Variants in OLFML2B observed in about 807,000 individuals in gnomAD.
OLFML2B encodes the protein olfactomedin like 2B, also known as olfactomedin-like protein 2B.
Under a neutral mutation model 74.9 loss-of-function variants are expected in OLFML2B, and 57 were observed. The ratio of observed to expected loss-of-function variants is 0.76; its 90% CI spans 0.61 to 0.95. The LOEUF (loss-of-function observed/expected upper bound fraction) is 0.95, where lower values mean the gene tolerates loss of function less well. Ranked by LOEUF, OLFML2B falls within the 40% of genes least tolerant of loss-of-function variation. OLFML2B has a pLI of 0.00. For synonymous variants in OLFML2B, 388 were observed against 405.8 expected (o/e 0.96, Z 0.53); for missense variants, 986 against 970.6 (o/e 1.02, Z -0.21).
At position 162,012,237 on chromosome 1, in the gene OLFML2B, G is replaced by T. The variant is rs563194164; in HGVS notation, c.546+5163C>A. Among the ~76,000 whole-genome samples the T allele has an allele frequency of 4.6e-5, 7 of 152,266 alleles. No individual in the cohort carries two copies. The South Asian group carries it at 1.5e-3, about 32-fold the overall frequency. ...AGTGAGCCCTGGGGGTGTCTCGACA[G>T]GGGTGGAGGGTGGAAGGAAAGGTAG... On this transcript the variant is annotated intron_variant, in intron 3 of 7. Coordinates refer to ENST00000294794, the MANE Select transcript of OLFML2B (RefSeq NM_015441.3).
At chr1:162,011,945 C>T (rs981750717) in intron 3 of OLFML2B, among the ~76,000 whole-genome samples, 3 of 152,172 alleles carry the variant, frequency 2.0e-5, no homozygotes, top group Non-Finnish European at 2.9e-5. Context: ...AACTTTATAT[C>T]CCACAATTGC....
At chr1:162,014,147 G>T (rs150292349) in intron 3 of OLFML2B, among the ~76,000 whole-genome samples, 1,588 of 152,204 alleles carry the variant, frequency 0.01, 28 homozygotes, top group African/African-American at 0.036. Flanking sequence ...TTCTTGAGCT[G>T]GTTGGTGGTT....
At chr1:161,994,653 T>G (rs1048810336) in intron 6 of OLFML2B, among the ~76,000 whole-genome samples, 2 of 152,214 alleles carry the variant, frequency 1.3e-5, no homozygotes, top group African/African-American at 4.8e-5. Flanking sequence ...AAGCGCCTTC[T>G]CGGATGGTAC....
intron 4 of OLFML2B, 83 bp from the exon 5 acceptor site, chr1:162,000,421 G>A: frequency 1.8e-6 from 2 of 1,132,058 alleles, no homozygotes; most frequent in South Asian, 1.3e-5. Flanking sequence ...CTGGAGCCAA[G>A]GCTGTGCTAA....
intron 6 of OLFML2B, among the ~76,000 whole-genome samples, chr1:161,992,333 G>A (rs1455360972): frequency 1.3e-5 from 2 of 152,234 alleles, no homozygotes; most frequent in African/African-American, 4.8e-5. Context: ...AGGGAATGTC[G>A]TGGTTGGACT....
At chr1:161,985,222 GC>G (rs1689559477) in intron 6 of OLFML2B, 1 of 420,206 alleles carries the variant, frequency 2.4e-6, no homozygotes, top group Non-Finnish European at 4.2e-6. Context: ...ACTATGCTTT[GC>G]TCCTGTTCTG....
chr1:162,022,244 C>CTTTTTT (rs56395023), intron 1 of OLFML2B, among the ~76,000 whole-genome samples: 50 of 70,772 alleles, frequency 7.1e-4, no homozygotes, highest in African/African-American at 8.8e-4. Flanking sequence ...TGTATCTCTT[C>CTTTTTT]TTTTTTTTTT....
intron 3 of OLFML2B, among the ~76,000 whole-genome samples, chr1:162,015,600 G>A (rs751448325): frequency 3.3e-5 from 5 of 152,196 alleles, no homozygotes; most frequent in Non-Finnish European, 5.9e-5. Context: ...GGGGGCCTAG[G>A]AAAACAGAGG....
intron 4 of OLFML2B, among the ~76,000 whole-genome samples, chr1:162,003,624 G>A (rs888618060): frequency 2.6e-4 from 39 of 152,080 alleles, no homozygotes; most frequent in African/African-American, 8.9e-4. Context: ...GGAGTCGAAT[G>A]TTCCTACTTC....
At position 161,984,329 on chromosome 1, in the gene OLFML2B, C is replaced by G. The variant is rs889515231; in HGVS notation, c.1652-53G>C. 241 of 1,508,622 alleles carry G rather than the reference C, an allele frequency of 1.6e-4. 1 individual carries two copies. Among genetic ancestry groups the G allele is most frequent in the Non-Finnish European group, 2.1e-4 (233 of 1,131,266 alleles). The allele number at this position is 1,508,622 out of a possible 1,614,324, so 93.5% of individuals were successfully genotyped here. A position where few individuals can be genotyped will look rare whatever the true frequency, so the allele number is the denominator to read the frequency against. ...TCAGAGTGGCATGGCAGAGGGTGGG[C>G]AGCCCATGTGGTTAAGTGAGTGATG... On this transcript the variant is annotated intron_variant, in intron 7 of 7. Transcript: ENST00000294794.
intron 6 of OLFML2B, among the ~76,000 whole-genome samples, chr1:161,993,715 C>T (rs929046834): frequency 2.2e-4 from 33 of 152,230 alleles, no homozygotes; most frequent in Non-Finnish European, 2.6e-4. Flanking sequence ...CCCAACCTGG[C>T]GCATGCTCTT....
At chr1:162,006,916 CCAAA>C (rs1393265327) in intron 3 of OLFML2B, among the ~76,000 whole-genome samples, 3 of 152,112 alleles carry the variant, frequency 2.0e-5, no homozygotes, top group Admixed American at 6.5e-5. Context: ...GAAGAGGTGG[CCAAA>C]CAAACAAAAC....
rs114647720 is a variant in OLFML2B, at chr1:161,989,922, G to A, written c.1475-4942C>T. ...GAACCAGATCGTGCTCCGAAAGCAG[G>A]AAGAAGGCAGTGGTGTTCTAAGAAA... On this transcript the variant is annotated intron_variant, in intron 6 of 7. Coordinates refer to ENST00000294794, the MANE Select transcript of OLFML2B (RefSeq NM_015441.3). Among the ~76,000 whole-genome samples the A allele has an allele frequency of 9.4e-3, 1,437 of 152,320 alleles. 19 individuals are homozygous for A. The highest frequency in any genetic ancestry group is 0.032 in the African/African-American group (1,318 of 41,552).
chr1:161,999,590 A>C (rs908557811), intron 5 of OLFML2B, among the ~76,000 whole-genome samples: 4 of 152,008 alleles, frequency 2.6e-5, no homozygotes, highest in African/African-American at 9.7e-5. Flanking sequence ...AGACAAGAGG[A>C]GGAGGAGGAG....
intron 3 of OLFML2B, among the ~76,000 whole-genome samples, chr1:162,007,236 T>C (rs916126434): frequency 6.6e-6 from 1 of 152,154 alleles, no homozygotes; most frequent in Non-Finnish European, 1.5e-5. Flanking sequence ...GTTCTGGATC[T>C]GGGTGGGGTG....
In OLFML2B at chr1:162,006,383, T is replaced by C. The variant is rs1690232012; in HGVS notation, c.637A>G (p.Asn213Asp). ...CTATCTAGGATGTTTTCAGAGCAATTTTCTTTGCCTCGCTTATTCATCTCG... is the reference window on the plus strand; with the variant it reads ...CTATCTAGGATGTTTTCAGAGCAATCTTCTTTGCCTCGCTTATTCATCTCG... ...RTEMNKRGKE[N>D]CSENILDSMP... Residue 213 changes from asparagine (N) to aspartate (D), a missense_variant, in exon 4 of 8, where the codon AAT becomes GAT. Transcript: ENST00000294794. 1 of 1,613,046 alleles carries C rather than the reference T, an allele frequency of 6.2e-7. No individual in the cohort carries two copies.
At chr1:162,002,377 C>T (rs1241077123) in intron 4 of OLFML2B, among the ~76,000 whole-genome samples, 1 of 152,206 alleles carries the variant, frequency 6.6e-6, no homozygotes. Context: ...TTGGTGGAAG[C>T]CACCCAGAGA....
At chr1:161,986,540 G>A (rs960416977) in intron 6 of OLFML2B, among the ~76,000 whole-genome samples, 6 of 152,186 alleles carry the variant, frequency 3.9e-5, no homozygotes, top group African/African-American at 1.2e-4. Context: ...CTGACGGAGC[G>A]GGGAGAGATT....
Position 162,023,297 on chromosome 1 carries a change from A to C in OLFML2B, c.134T>G (p.Leu45Arg). Residue 45 changes from leucine (L) to arginine (R), a missense_variant, in exon 1 of 8, where the codon CTG becomes CGG. Leu to Arg is a moderately radical substitution (Grantham distance 102). Transcript: ENST00000294794. ...QTVAPAEDET[L>R]QNEADNQENV... ...CTCCTGGTTGTCCGCCTCGTTTTGC[A>C]GAGTCTCGTCCTCCGCAGGCGCCAC... The C allele has an allele frequency of 6.3e-7, 1 of 1,583,186 alleles. No individual in the cohort carries two copies. Among genetic ancestry groups the C allele is most frequent in the Non-Finnish European group, 8.6e-7 (1 of 1,161,126 alleles).
Sources: gnomAD v4.1 joint callset for allele counts (sites outside exome capture counted in the v4.1 genomes callset) on GRCh38, gnomAD v4.1.1 for gene constraint, MANE v1.5 for transcripts, NCBI Gene and HGNC (gene_info 2026-07-23, HGNC 2026-07-21) for gene names.